PTPRM: variants seen among roughly 807,000 people sequenced by gnomAD.
The protein encoded by PTPRM is receptor-type tyrosine-protein phosphatase mu.
A neutral mutation model predicts 186.7 loss-of-function variants in PTPRM; 47 were observed. The ratio of observed to expected loss-of-function variants is 0.25; its 90% CI spans 0.20 to 0.32. PTPRM has a LOEUF of 0.32. PTPRM is among the 10% of genes least tolerant of loss of function. The pLI is 1.00. For missense variants in PTPRM, 1,494 were observed against 1,865.0 expected (o/e 0.80, Z 3.66); for synonymous variants, 668 against 674.9 (o/e 0.99, Z 0.16).
chr18:7,879,010 AG>A (rs2048370767), intron 2 of PTPRM, among the ~76,000 whole-genome samples: 2 of 152,230 alleles, frequency 1.3e-5, no homozygotes, highest in African/African-American at 4.8e-5. Flanking sequence ...GATAGTTAAA[AG>A]GTTGTGTTTG....
intron 2 of PTPRM, among the ~76,000 whole-genome samples, chr18:7,821,427 T>A (rs1326388765): frequency 1.5e-5 from 2 of 136,814 alleles, no homozygotes; most frequent in Non-Finnish European, 2.9e-5. Flanking sequence ...GCCCTTTTTT[T>A]ACTCATAAGA....
intron 1 of PTPRM, among the ~76,000 whole-genome samples, chr18:7,765,325 T>G (rs1344124977): frequency 6.6e-6 from 1 of 152,198 alleles, no homozygotes; most frequent in Non-Finnish European, 1.5e-5. Flanking sequence ...GAGCATAGCA[T>G]TAGCCATTTA....
chr18:8,402,732 T>A (rs923845918), intron 32 of PTPRM: 2 of 152,192 alleles, frequency 1.3e-5, no homozygotes, highest in African/African-American at 4.8e-5. Flanking sequence ...TCCAATTATC[T>A]CTTTTAAATA....
At chr18:8,279,563 C>T (rs1207779249) in intron 19 of PTPRM, among the ~76,000 whole-genome samples, 1 of 152,194 alleles carries the variant, frequency 6.6e-6, no homozygotes, top group Non-Finnish European at 1.5e-5. Context: ...GGAGCTGCCT[C>T]TAGGAGCAGG....
chr18:8,352,497 A>G (rs1299270831), intron 23 of PTPRM, among the ~76,000 whole-genome samples: 1 of 152,032 alleles, frequency 6.6e-6, no homozygotes, highest in African/African-American at 2.4e-5. Context: ...TGCCGTGTAT[A>G]CCCAACGTTT....
intron 20 of PTPRM, among the ~76,000 whole-genome samples, chr18:8,304,058 C>A (rs974506401): frequency 1.3e-5 from 2 of 152,154 alleles, no homozygotes; most frequent in African/African-American, 4.8e-5. Flanking sequence ...TTCCAATTTA[C>A]CTTATATATG....
At chr18:8,040,822 A>G (rs1317684310) in intron 7 of PTPRM, among the ~76,000 whole-genome samples, 1 of 152,242 alleles carries the variant, frequency 6.6e-6, no homozygotes, top group Non-Finnish European at 1.5e-5. Flanking sequence ...ACTTGCTAAA[A>G]TTGATTTCAT....
intron 2 of PTPRM, among the ~76,000 whole-genome samples, chr18:7,818,455 C>T (rs931864982): frequency 6.6e-6 from 1 of 152,190 alleles, no homozygotes; most frequent in African/African-American, 2.4e-5. Flanking sequence ...CTGCAACACT[C>T]ACTTGCTCCC....
At chr18:7,738,165 A>G (rs1197031332) in intron 1 of PTPRM, among the ~76,000 whole-genome samples, 1 of 152,224 alleles carries the variant, frequency 6.6e-6, no homozygotes, top group Non-Finnish European at 1.5e-5. Context: ...CATTATAACT[A>G]GGCTCAAATA....
chr18:8,022,526 G>T (rs1251224608), intron 7 of PTPRM, among the ~76,000 whole-genome samples: 1 of 152,088 alleles, frequency 6.6e-6, no homozygotes, highest in African/African-American at 2.4e-5. Context: ...AATCTTGAAG[G>T]GATCTCTGAA....
At chr18:8,218,582 G>A (rs953841954) in intron 14 of PTPRM, among the ~76,000 whole-genome samples, 1 of 152,164 alleles carries the variant, frequency 6.6e-6, no homozygotes, top group Non-Finnish European at 1.5e-5. Flanking sequence ...ATTATCTGTT[G>A]CACTCTTGGG....
intron 1 of PTPRM, among the ~76,000 whole-genome samples, chr18:7,609,141 A>G (rs1313031710): frequency 1.3e-5 from 2 of 152,178 alleles, no homozygotes; most frequent in Non-Finnish European, 2.9e-5. Context: ...TGTCATTTCA[A>G]GCTAAAAATA....
At chr18:8,165,061 C>T (rs1369211352) in intron 14 of PTPRM, among the ~76,000 whole-genome samples, 9 of 150,850 alleles carry the variant, frequency 6.0e-5, no homozygotes, top group African/African-American at 1.5e-4. Flanking sequence ...CCCAGCTACT[C>T]GGGAGGCTGA....
intron 7 of PTPRM, among the ~76,000 whole-genome samples, chr18:7,980,106 A>G (rs1568119970): frequency 6.6e-6 from 1 of 151,780 alleles, no homozygotes; most frequent in East Asian, 1.9e-4. Flanking sequence ...CCCACAAAAT[A>G]TTTTTTTCTA....
intron 1 of PTPRM, among the ~76,000 whole-genome samples, chr18:7,607,802 G>A (rs1198365554): frequency 6.6e-6 from 1 of 152,228 alleles, no homozygotes; most frequent in African/African-American, 2.4e-5. Flanking sequence ...CTTCCTCGGA[G>A]CACTGCTCAT....
intron 32 of PTPRM, among the ~76,000 whole-genome samples, chr18:8,400,012 G>T (rs2095863828): frequency 6.6e-6 from 1 of 152,200 alleles, no homozygotes; most frequent in Non-Finnish European, 1.5e-5. Context: ...CCAGGATAAA[G>T]GGTGGTAAAG....
intron 7 of PTPRM, among the ~76,000 whole-genome samples, chr18:8,011,700 G>A (rs138831513): frequency 1.3e-3 from 203 of 152,240 alleles, no homozygotes; most frequent in Middle Eastern, 3.4e-3. Context: ...GGAAATAACT[G>A]CCCAAGAAAA....
intron 19 of PTPRM, among the ~76,000 whole-genome samples, chr18:8,268,875 C>T (rs778802057): frequency 2.6e-5 from 4 of 152,000 alleles, no homozygotes; most frequent in Non-Finnish European, 5.9e-5. Context: ...AATTCAAAGT[C>T]CTTTCATGAT....
chr18:7,801,055 C>T (rs77696954), intron 2 of PTPRM, among the ~76,000 whole-genome samples: 311 of 152,220 alleles, frequency 2.0e-3, no homozygotes, highest in African/African-American at 7.3e-3. Flanking sequence ...TAGGACATTA[C>T]TTGACACTAC....
Sources: allele counts gnomAD v4.1 joint callset (sites outside exome capture counted in the v4.1 genomes callset), GRCh38; gene constraint gnomAD v4.1.1; transcripts MANE v1.5; gene names NCBI Gene and HGNC (gene_info 2026-07-23, HGNC 2026-07-21).